Variants in CDH26 observed in about 807,000 individuals in gnomAD.
CDH26 encodes cadherin-like protein 26.
CDH26 carries 83 observed loss-of-function variants against 90.3 expected under a neutral mutation model. The observed-to-expected ratio is 0.92, with a 90% CI of 0.77 to 1.10. The LOEUF (loss-of-function observed/expected upper bound fraction) is 1.10. CDH26 is among the 50% of genes least tolerant of loss of function. The pLI, the probability that CDH26 is intolerant of heterozygous loss-of-function variation, is 0.00. For missense variants in CDH26, 1,013 were observed against 1,037.6 expected (o/e 0.98, Z 0.33); for synonymous variants, 397 against 396.3 (o/e 1.00, Z -0.02).
chr20:59,968,969 C>T lies in CDH26; in HGVS notation c.72C>T (p.Val24=), dbSNP rs1319400741. 3 of 1,534,674 alleles carry T rather than the reference C, an allele frequency of 2.0e-6. No homozygotes were observed. The highest frequency in any genetic ancestry group is 2.7e-6 in the Non-Finnish European group (3 of 1,112,008). ...LLVLLLWLLQ[V]SIIDSVQQET... is the part of the protein sequence containing the mutation. ...TTAATATTATTTTTATTTTTAAGGT[C>T]AGTATCATTGACAGTGTTCAACAGG... Residue 24 remains valine (V), a splice_region_variant and synonymous_variant, in exon 2 of 18, where the codon GTC becomes GTT. Transcript: ENST00000348616.
rs1047704427 is a variant in CDH26 at position 60,030,853 on chromosome 20, T to C, written c.948-378T>C. Among the ~76,000 whole-genome samples, 2 of 152,214 alleles carry C rather than the reference T, an allele frequency of 1.3e-5. No homozygotes were observed. Among genetic ancestry groups the C allele is most frequent in the African/African-American group, 4.8e-5 (2 of 41,466 alleles). On this transcript the variant is annotated intron_variant, in intron 7 of 8. Coordinates refer to the CDH26 transcript ENST00000370991. This position sits in a 1 kb window ranked among gnomAD's most constrained non-coding sequence, Gnocchi z 4.0. ...CCCCTTGGACAATTACCTGCACCAG[T>C]GAATTCACTTTTGTGCTTGATTCAA...
At chr20:60,035,294 G>C (rs959169184), downstream of CDH26, among the ~76,000 whole-genome samples, 8 of 152,158 alleles carry the variant, frequency 5.3e-5, no homozygotes, top group Non-Finnish European at 8.8e-5. Context: ...CATATTGTTA[G>C]GATACAGTCC....
chr20:59,970,142 C>T lies in CDH26; in HGVS notation c.187C>T (p.Leu63=), dbSNP rs144755899. 9.3e-6 allele frequency: 15 copies of T among 1,613,948 alleles called. No individual in the cohort carries two copies. In the South Asian group the frequency reaches 1.6e-4, roughly 18 times the overall value. The change falls in exon 3 of 18, where the codon CTG becomes TTG. Residue 63 remains leucine (L), a synonymous_variant. Transcript: ENST00000348616. The part of the protein sequence containing the change: ...KRRWVITTLE[L]EEEDPGPFPK... ...AAGATGGGTTATCACCACCTTGGAGCTGGAGGAGGAAGACCCGGGACCCTT... is the reference window on the plus strand; with the variant it reads ...AAGATGGGTTATCACCACCTTGGAGTTGGAGGAGGAAGACCCGGGACCCTT...
chr20:59,961,517 C>T (rs194977), intron 1 of CDH26, among the ~76,000 whole-genome samples: 2,916 of 152,264 alleles, frequency 0.019, 99 homozygotes, highest in African/African-American at 0.067. Flanking sequence ...ACATTCCGTT[C>T]CATTCCTTTA....
rs778671764 is a variant in CDH26 at position 59,972,003 on chromosome 20, A to G, written c.273A>G (p.Leu91=). The G allele has an allele frequency of 6.2e-7, 1 of 1,613,502 alleles. No homozygotes were observed. Among genetic ancestry groups the G allele is most frequent in the Non-Finnish European group, 8.5e-7 (1 of 1,179,576 alleles). ...NMSYNMSLMY[L]ISGPGVDEYP... Reference sequence around the variant, plus strand: ...CTTATAACATGTCACTAATGTATCTAATCAGTGGACCTGGTGTGGATGAAT... The same window carrying G: ...CTTATAACATGTCACTAATGTATCTGATCAGTGGACCTGGTGTGGATGAAT... The change falls in exon 4 of 18, where the codon CTA becomes CTG. Residue 91 remains leucine, a synonymous_variant. Coordinates refer to ENST00000348616, the MANE Select transcript of CDH26 (RefSeq NM_177980.4).
At position 59,958,802 on chromosome 20, in the gene CDH26, T is replaced by C. The variant is rs756524280; in HGVS notation, c.69+7T>C. The C allele has an allele frequency of 6.2e-7, 1 of 1,612,858 alleles. No individual in the cohort carries two copies. The highest frequency in any genetic ancestry group is 1.3e-5 in the African/African-American group (1 of 75,010). On this transcript the variant is annotated splice_region_variant and intron_variant, in intron 1 of 17. Coordinates refer to ENST00000348616, the MANE Select transcript of CDH26 (RefSeq NM_177980.4). ...GCTGCTGTGGCTGCTGCAGGTAAGCTGAGCCTGCAGCCTAGTGCTCAGGTG... is the reference window on the plus strand; with the variant it reads ...GCTGCTGTGGCTGCTGCAGGTAAGCCGAGCCTGCAGCCTAGTGCTCAGGTG...
chr20:59,997,741 A>G (rs745785696), intron 13 of CDH26, among the ~76,000 whole-genome samples: 17 of 152,242 alleles, frequency 1.1e-4, no homozygotes, highest in African/African-American at 2.4e-4. Context: ...ACCTCCACCA[A>G]TGTTTTTTTC....
intron 1 of CDH26, among the ~76,000 whole-genome samples, chr20:59,963,228 A>G (rs2061098924): frequency 1.3e-5 from 2 of 151,192 alleles, no homozygotes; most frequent in South Asian, 4.2e-4. Flanking sequence ...CCGACATCAC[A>G]TAGCTGGTGA....
chr20:59,969,968 A>C, intron 2 of CDH26, 114 bp from the exon 3 acceptor site: 1 of 1,439,618 alleles, frequency 6.9e-7, no homozygotes, highest in Non-Finnish European at 9.2e-7. Flanking sequence ...TGGCGATGAG[A>C]GAATGCAGGC....
In CDH26 at chr20:59,996,824, A is replaced by G. The variant is rs182251921; in HGVS notation, c.2019+63A>G. The G allele has an allele frequency of 2.7e-4, 437 of 1,590,604 alleles. 1 individual carries two copies. In the African/African-American group the frequency reaches 4.9e-3, roughly 18 times the overall value. Reference sequence around the variant, plus strand: ...ATTCACTAATACACAGACATATAGCATGTATTTTTCCCCCCATTGTGCCAC... The same window carrying G: ...ATTCACTAATACACAGACATATAGCGTGTATTTTTCCCCCCATTGTGCCAC... On this transcript the variant is annotated intron_variant, in intron 13 of 17. Transcript: ENST00000348616.
At chr20:60,018,700 GC>G (rs2061926773), downstream of CDH26, among the ~76,000 whole-genome samples, 1 of 35,640 alleles carries the variant, frequency 2.8e-5, no homozygotes, top group African/African-American at 9.7e-5. Context: ...CTCTCTTACT[GC>G]CTTTTTTTTT....
chr20:59,994,518 G>C (rs2145996185), intron 11 of CDH26, 29 bp downstream of exon 11: 2 of 1,608,858 alleles, frequency 1.2e-6, no homozygotes, highest in East Asian at 4.5e-5. Flanking sequence ...TACGGGCAAA[G>C]AGTGGAAAAT....
At chr20:60,033,114 G>A (rs992776480) in intron 8 of CDH26, among the ~76,000 whole-genome samples, 1 of 152,208 alleles carries the variant, frequency 6.6e-6, no homozygotes, top group Non-Finnish European at 1.5e-5. Context: ...TTGGGAGGAA[G>A]CCAGGGCTTA....
intron 17 of CDH26, among the ~76,000 whole-genome samples, chr20:60,008,963 C>T (rs1334534242): frequency 6.6e-6 from 1 of 152,210 alleles, no homozygotes; most frequent in Non-Finnish European, 1.5e-5. Flanking sequence ...GGGCCCTTCC[C>T]CAGGTCCTGA....
chr20:60,012,431 T>C (rs2061857535), intron 17 of CDH26, 96 bp from the exon 18 acceptor site: 2 of 1,151,282 alleles, frequency 1.7e-6, no homozygotes, highest in African/African-American at 1.5e-5. Flanking sequence ...GTGCTGTTAC[T>C]ACTGCATTGA....
chr20:60,035,777 T>G (rs2069786681), downstream of CDH26, among the ~76,000 whole-genome samples: 1 of 152,248 alleles, frequency 6.6e-6, no homozygotes, highest in South Asian at 2.1e-4. Context: ...GGTGGTTTTA[T>G]TTGGGGCTCT....
chr20:59,987,959 G>C (rs1321557369), intron 8 of CDH26, among the ~76,000 whole-genome samples: 1 of 152,120 alleles, frequency 6.6e-6, no homozygotes, highest in Non-Finnish European at 1.5e-5. Flanking sequence ...TTTTTCAGAT[G>C]TGATTAAAAA....
chr20:59,985,422 A>C (rs745576757), intron 7 of CDH26, among the ~76,000 whole-genome samples: 4 of 152,122 alleles, frequency 2.6e-5, no homozygotes, highest in Non-Finnish European at 4.4e-5. Context: ...AAGAGCATGC[A>C]AGACACGGGA....
rs141442668 is a variant in CDH26, at chr20:59,990,272, G to A, written c.1283+1109G>A. 2.7e-3 allele frequency among the ~76,000 whole-genome samples: 416 copies of A among 152,310 alleles called. 3 individuals are homozygous for A. The highest frequency in any genetic ancestry group is 5.0e-3 in the Non-Finnish European group (339 of 68,038). ...CACTCATCCATCGATGGGCACTTGG[G>A]TGGCATATGGCCTGAATCTCTTGAT... On this transcript the variant is annotated intron_variant, in intron 9 of 17. Transcript: ENST00000348616.
Sources: allele counts gnomAD v4.1 joint callset (sites outside exome capture counted in the v4.1 genomes callset), GRCh38; gene constraint gnomAD v4.1.1; non-coding constraint Gnocchi (gnomAD v3.1); transcripts MANE v1.5; gene names NCBI Gene and HGNC (gene_info 2026-07-23, HGNC 2026-07-21).